The following SPAG9 variants were observed in gnomAD, a reference collection of about 807,000 sequenced individuals.
SPAG9 encodes the protein sperm associated antigen 9, also known as C-Jun-amino-terminal kinase-interacting protein 4.
In SPAG9, 35 loss-of-function variants were observed where a neutral mutation model predicts 166.5. The observed-to-expected ratio is 0.21, with a 90% confidence interval of 0.16 to 0.28. SPAG9 has a LOEUF of 0.28. Among genes scored for constraint, SPAG9 ranks in the 10% least tolerant of loss-of-function variants. The probability of loss-of-function intolerance (pLI) is 1.00; values close to 1 mark genes in which losing one functional copy is unlikely to be tolerated. For missense variants in SPAG9, 1,235 were observed against 1,603.3 expected (o/e 0.77, Z 3.92); for synonymous variants, 534 against 565.5 (o/e 0.94, Z 0.79).
intron 1 of SPAG9, among the ~76,000 whole-genome samples, chr17:51,108,444 G>A (rs1310515205): frequency 6.6e-6 from 1 of 151,542 alleles, no homozygotes; most frequent in Non-Finnish European, 1.5e-5. Context: ...GTCATTTTCT[G>A]TATTTCTATA....
At chr17:51,114,227 T>G (rs1222737668) in intron 1 of SPAG9, among the ~76,000 whole-genome samples, 2 of 151,994 alleles carry the variant, frequency 1.3e-5, no homozygotes, top group Non-Finnish European at 2.9e-5. Flanking sequence ...CTAGGGAGGC[T>G]GAGGCAGGAG....
Position 51,118,970 on chromosome 17 carries a change from G to A in SPAG9, c.303+1384C>T, listed in dbSNP as rs374879415. Among the ~76,000 whole-genome samples the A allele has an allele frequency of 6.1e-5, 9 of 147,970 alleles. No homozygotes were observed. The South Asian group carries it at 1.7e-3, about 28-fold the overall frequency. ...AATCGCTTGAACCCGGCAGGCAGAG[G>A]TTGCAGTGAGCCAAGATCACTCCAC... is the stretch of plus-strand genomic sequence containing the variant. On this transcript the variant is annotated intron_variant, in intron 1 of 29. Coordinates refer to ENST00000262013, the MANE Select transcript of SPAG9 (RefSeq NM_001130528.3).
At chr17:50,974,710 C>T (rs1289102615) in intron 28 of SPAG9, 61 bp downstream of exon 28, 5 of 1,437,830 alleles carry the variant, frequency 3.5e-6, no homozygotes, top group Non-Finnish European at 4.7e-6. Context: ...GGTAGTGGAA[C>T]CAAGAGATGA....
chr17:51,002,321 AAG>A (rs1343139048), intron 12 of SPAG9, among the ~76,000 whole-genome samples: 1 of 152,170 alleles, frequency 6.6e-6, no homozygotes, highest in East Asian at 1.9e-4. Flanking sequence ...CCAGCCAACA[AAG>A]AGATTTAAAT....
chr17:51,057,819 C>T (rs1285852141), intron 2 of SPAG9, among the ~76,000 whole-genome samples: 1 of 152,158 alleles, frequency 6.6e-6, no homozygotes, highest in African/African-American at 2.4e-5. Flanking sequence ...TCATCTTATC[C>T]TGTGGCTGAA....
rs999003477 is a variant in SPAG9 at position 51,071,040 on chromosome 17, T to C, written c.424+8544A>G. Among the ~76,000 whole-genome samples the C allele has an allele frequency of 4.5e-4, 68 of 152,102 alleles. 2 individuals carry two copies. Among genetic ancestry groups the C allele is most frequent in the Non-Finnish European group, 1.3e-4 (9 of 68,016 alleles). On this transcript the variant is annotated intron_variant, in intron 2 of 29. Coordinates refer to ENST00000262013, the MANE Select transcript of SPAG9 (RefSeq NM_001130528.3). Reference sequence around the variant, plus strand: ...AATATAATATATATGGGAAAAAGACTAGTAGGCCATACGCATAATCTTCCC... The same window carrying C: ...AATATAATATATATGGGAAAAAGACCAGTAGGCCATACGCATAATCTTCCC...
At chr17:51,048,356 A>C (rs184227421) in intron 3 of SPAG9, among the ~76,000 whole-genome samples, 81 of 152,236 alleles carry the variant, frequency 5.3e-4, no homozygotes, top group Admixed American at 5.9e-4. Context: ...GAATTTTAAA[A>C]AACAAGAAAT....
intron 8 of SPAG9, among the ~76,000 whole-genome samples, chr17:51,015,766 T>C (rs1433910508): frequency 1.4e-5 from 2 of 145,210 alleles, no homozygotes; most frequent in Non-Finnish European, 3.0e-5. Flanking sequence ...TAGTATAAAA[T>C]AAAAGAGATA....
At chr17:51,076,985 T>TCTATCTATCTAG (rs2047989797) in intron 2 of SPAG9, among the ~76,000 whole-genome samples, 2 of 101,646 alleles carry the variant, frequency 2.0e-5, no homozygotes, top group Non-Finnish European at 4.4e-5. Flanking sequence ...ATCTATCTTA[T>TCTATCTATCTAG]CTAGCTATCT....
chr17:51,063,148 C>T (rs1344981464), intron 2 of SPAG9, among the ~76,000 whole-genome samples: 2 of 152,176 alleles, frequency 1.3e-5, no homozygotes, highest in Non-Finnish European at 2.9e-5. Flanking sequence ...GTGGCTCACG[C>T]CTGTAATCCC....
At chr17:51,060,833 A>G (rs1027809256) in intron 2 of SPAG9, among the ~76,000 whole-genome samples, 2 of 150,418 alleles carry the variant, frequency 1.3e-5, no homozygotes, top group Admixed American at 1.3e-4. Flanking sequence ...ACCTCAGAGA[A>G]AAGGGTTTTT....
chr17:50,969,382 T>TTA (rs1377302885), intron 29 of SPAG9, among the ~76,000 whole-genome samples: 3 of 152,242 alleles, frequency 2.0e-5, no homozygotes, highest in East Asian at 1.9e-4. Flanking sequence ...CTATGGCCCA[T>TTA]TCTCTCCTTC....
chr17:51,059,042 C>T (rs2047433657), intron 2 of SPAG9, among the ~76,000 whole-genome samples: 1 of 152,276 alleles, frequency 6.6e-6, no homozygotes, highest in Non-Finnish European at 1.5e-5. Context: ...TATTCATGTA[C>T]TGGAATACTG....
chr17:51,080,348 G>A (rs995678309), intron 1 of SPAG9, among the ~76,000 whole-genome samples: 2 of 145,030 alleles, frequency 1.4e-5, no homozygotes, highest in Non-Finnish European at 3.0e-5. Context: ...TTTGCTGCTC[G>A]TTCTTGGTCT....
chr17:51,084,450 G>GC (rs1472480466), intron 1 of SPAG9, among the ~76,000 whole-genome samples: 1 of 151,100 alleles, frequency 6.6e-6, no homozygotes, highest in Non-Finnish European at 1.5e-5. Flanking sequence ...GTGCAGTGGT[G>GC]CCATCTCAGC....
In SPAG9 at chr17:50,970,978, T is replaced by G; in HGVS notation, c.3701-122A>C. 2 of 770,464 alleles carry G rather than the reference T, an allele frequency of 2.6e-6. 1 individual carries two copies. The highest frequency in any genetic ancestry group is 7.6e-4 in the Middle Eastern group (2 of 2,646). The allele number at this position is 770,464 out of a possible 1,614,324, so 47.7% of individuals were successfully genotyped here. A position where few individuals can be genotyped will look rare whatever the true frequency, so the allele number is the denominator to read the frequency against. ...TAAATATATTCTAATAACCAAATAC[T>G]GGGGAAGCTAGAAGGCTCTGCATGA... On this transcript the variant is annotated intron_variant, in intron 28 of 29. Coordinates refer to ENST00000262013, the MANE Select transcript of SPAG9 (RefSeq NM_001130528.3).
chr17:50,963,989 T>A lies in SPAG9; in HGVS notation c.*2283A>T, dbSNP rs1973231079. The A allele has an allele frequency of 6.6e-6, 1 of 152,218 alleles. No homozygotes were observed. The allele number at this position is 152,218 out of a possible 1,614,324, so 9.4% of individuals were successfully genotyped here. On this transcript the variant is annotated 3_prime_UTR_variant, in exon 30 of 30. Transcript: ENST00000262013. ...GTTTTAATACATGAGTGGCTACAAT[T>A]TTATTGTGTACACAATGTGCTTATA...
chr17:51,068,900 C>A (rs541808177), intron 2 of SPAG9, among the ~76,000 whole-genome samples: 33 of 152,140 alleles, frequency 2.2e-4, no homozygotes, highest in Non-Finnish European at 4.7e-4. Context: ...GATAATAAAA[C>A]ATAAAACAGC....
At chr17:51,093,910 T>C (rs1040324336) in intron 1 of SPAG9, among the ~76,000 whole-genome samples, 2 of 152,024 alleles carry the variant, frequency 1.3e-5, no homozygotes, top group Admixed American at 1.3e-4. Context: ...AATAAGAGGT[T>C]TGTTTTCTCA....
Sources: allele counts gnomAD v4.1 joint callset (sites outside exome capture counted in the v4.1 genomes callset), GRCh38; gene constraint gnomAD v4.1.1; transcripts MANE v1.5; gene names NCBI Gene and HGNC (gene_info 2026-07-23, HGNC 2026-07-21).